Variants in FBXW10 observed in about 807,000 individuals in gnomAD.
FBXW10 encodes the protein F-box and WD repeat domain containing 10.
FBXW10 carries 68 observed loss-of-function variants against 113.1 expected under a neutral mutation model. The observed-to-expected ratio is 0.60, with a 90% CI of 0.49 to 0.74. The LOEUF (loss-of-function observed/expected upper bound fraction) is 0.74, where lower values mean the gene tolerates loss of function less well. FBXW10 is among the 30% of genes least tolerant of loss of function. FBXW10 has a pLI of 0.00. For synonymous variants in FBXW10, 289 were observed against 481.6 expected (o/e 0.60, Z 5.24); for missense variants, 753 against 1,284.5 (o/e 0.59, Z 6.32).
intron 8 of FBXW10, 73 bp downstream of exon 8, chr17:18,764,936 C>T: frequency 6.2e-7 from 1 of 1,612,736 alleles, no homozygotes; most frequent in Non-Finnish European, 8.5e-7. Flanking sequence ...CTTTGTTTTG[C>T]TCATTTCTAT....
At chr17:18,757,588 A>G (rs984541531) in intron 6 of FBXW10, among the ~76,000 whole-genome samples, 7 of 152,196 alleles carry the variant, frequency 4.6e-5, no homozygotes, top group African/African-American at 1.7e-4. Context: ...TGGAGGTTAC[A>G]GGGAGTTATT....
rs576180375 is a variant in FBXW10 at position 18,754,277 on chromosome 17, A to G, written c.1123-1768A>G. 1.7e-3 allele frequency among the ~76,000 whole-genome samples: 264 copies of G among 152,256 alleles called. 1 individual carries two copies. Among genetic ancestry groups the G allele is most frequent in the Non-Finnish European group, 2.8e-3 (189 of 68,026 alleles). ...AAACTTAGGAGATGAGCAAGGGCCAATGAATTCTCACCTGGGTTGGGAGAA... is the reference window on the plus strand; with the variant it reads ...AAACTTAGGAGATGAGCAAGGGCCAGTGAATTCTCACCTGGGTTGGGAGAA... On this transcript the variant is annotated intron_variant, in intron 5 of 13. Coordinates refer to ENST00000395665, the MANE Select transcript of FBXW10 (RefSeq NM_001267585.2).
intron 12 of FBXW10, 23 bp from the exon 13 acceptor site, chr17:18,775,113 C>T (rs750117309): frequency 6.4e-7 from 1 of 1,569,812 alleles, no homozygotes; most frequent in East Asian, 2.2e-5. Context: ...ATGACTACAG[C>T]TTCTTCCTCA....
Position 18,766,786 on chromosome 17 carries a change from A to G in FBXW10, c.1628A>G (p.Asn543Ser), listed in dbSNP as rs2035505535. 1 of 1,612,622 alleles carries G rather than the reference A, an allele frequency of 6.2e-7. No homozygotes were observed. Among genetic ancestry groups the G allele is most frequent in the Non-Finnish European group, 8.5e-7 (1 of 1,178,770 alleles). The change falls in exon 9 of 14, where the codon AAT becomes AGT. Residue 543 changes from asparagine to serine, a missense_variant. Transcript: ENST00000395665. The part of the protein sequence containing the change: ...HKDPILATRI[N>S]DTYIVSSCER... Reference sequence around the variant, plus strand: ...GACCCCATCTTGGCCACCAGGATCAATGATACCTACATTGTGAGCAGCTGT... The same window carrying G: ...GACCCCATCTTGGCCACCAGGATCAGTGATACCTACATTGTGAGCAGCTGT...
At chr17:18,762,558 A>G (rs9910784) in intron 7 of FBXW10, among the ~76,000 whole-genome samples, 136,231 of 150,980 alleles carry the variant, frequency 0.9, 61,703 homozygotes, top group African/African-American at 0.98. Flanking sequence ...TCCTGACCTC[A>G]TGATCTGCCC....
In FBXW10 at chr17:18,778,803, C is replaced by G; in HGVS notation, c.2664C>G (p.Ile888Met). Residue 888 changes from isoleucine to methionine, a missense_variant, in exon 14 of 14, where the codon ATC (isoleucine) becomes ATG (methionine). Physicochemically the swap from Ile to Met is conservative, Grantham distance 10. Coordinates refer to ENST00000395665, the MANE Select transcript of FBXW10 (RefSeq NM_001267585.2). ...DVKRTSIPLE[I>M]QKLQPNLKIS... ...AACGAACCAGTATTCCCCTTGAAAT[C>G]CAGAAACTGCAGCCCAACTTGAAGA... The G allele has an allele frequency of 1.2e-6, 2 of 1,613,898 alleles. No individual in the cohort carries two copies. The highest frequency in any genetic ancestry group is 8.5e-7 in the Non-Finnish European group (1 of 1,179,858).
At chr17:18,750,199 G>A in intron 4 of FBXW10, 62 bp downstream of exon 4, 3 of 1,490,950 alleles carry the variant, frequency 2.0e-6, no homozygotes, top group Non-Finnish European at 1.8e-6. Flanking sequence ...TGTTGAGGCT[G>A]ATATGACTGT....
At chr17:18,756,829 C>G (rs149007393) in intron 6 of FBXW10, among the ~76,000 whole-genome samples, 11,797 of 152,232 alleles carry the variant, frequency 0.077, 535 homozygotes, top group South Asian at 0.12. Context: ...GCAAAGTCCA[C>G]TTCTACTTTA....
At chr17:18,769,099 C>A (rs1385387197) in intron 10 of FBXW10, among the ~76,000 whole-genome samples, 3 of 151,762 alleles carry the variant, frequency 2.0e-5, no homozygotes, top group African/African-American at 7.3e-5. Context: ...CCACACCCAG[C>A]TAATTTTTTG....
rs778597832 is a variant in FBXW10 at position 18,750,093 on chromosome 17, T to C, written c.955T>C (p.Leu319=). Residue 319 remains leucine, a synonymous_variant, in exon 4 of 14, where the codon TTG becomes CTG. Transcript: ENST00000395665. Reference sequence around the variant, plus strand: ...CATGGCTCAACAGGTCAAGATGGACTTGTCAGCGCACGGCTTCATTCAGAA... The same window carrying C: ...CATGGCTCAACAGGTCAAGATGGACCTGTCAGCGCACGGCTTCATTCAGAA... ...AAMAQQVKMD[L]SAHGFIQNQI... 43 of 1,612,578 alleles carry C rather than the reference T, an allele frequency of 2.7e-5. No individual in the cohort carries two copies. The East Asian group carries it at 9.4e-4, about 35-fold the overall frequency.
At chr17:18,753,767 G>A (rs186098424) in intron 5 of FBXW10, among the ~76,000 whole-genome samples, 14 of 152,078 alleles carry the variant, frequency 9.2e-5, no homozygotes, top group African/African-American at 2.4e-4. Flanking sequence ...CCAGCTACCC[G>A]GGAGGCTGAG....
intron 13 of FBXW10, among the ~76,000 whole-genome samples, chr17:18,775,605 A>G (rs1196899022): frequency 2.0e-5 from 3 of 152,220 alleles, no homozygotes; most frequent in Non-Finnish European, 4.4e-5. Context: ...AAGAGAGAAG[A>G]GGCAGTTGAG....
intron 7 of FBXW10, among the ~76,000 whole-genome samples, chr17:18,764,197 ACT>A (rs1257970383): frequency 3.1e-5 from 4 of 127,902 alleles, no homozygotes; most frequent in African/African-American, 6.6e-5. Flanking sequence ...TGATGTAAAT[ACT>A]CTTTTTTTTT....
chr17:18,755,873 T>C (rs1043356566), intron 5 of FBXW10, among the ~76,000 whole-genome samples, 172 bp from the exon 6 acceptor site: 2 of 152,268 alleles, frequency 1.3e-5, no homozygotes, highest in East Asian at 1.9e-4. Context: ...TAACTCATGG[T>C]TTCCTTTGGT....
intron 6 of FBXW10, among the ~76,000 whole-genome samples, chr17:18,757,543 A>C (rs1254224820): frequency 1.3e-5 from 2 of 152,178 alleles, no homozygotes; most frequent in Non-Finnish European, 2.9e-5. Flanking sequence ...GAACTTTGGG[A>C]GGCTGAGGTA....
intron 8 of FBXW10, among the ~76,000 whole-genome samples, chr17:18,765,323 T>C (rs1324680426): frequency 6.6e-6 from 1 of 152,186 alleles, no homozygotes; most frequent in Non-Finnish European, 1.5e-5. Context: ...TGGGCCAAGA[T>C]ATATACATAA....
At chr17:18,775,267 T>C (rs1286577132) in intron 13 of FBXW10, 75 bp downstream of exon 13, 3 of 948,246 alleles carry the variant, frequency 3.2e-6, no homozygotes, top group Admixed American at 3.6e-5. Flanking sequence ...GGAAGCAAAA[T>C]CCACAGCAGG....
chr17:18,758,660 A>T (rs1458747294), intron 7 of FBXW10, among the ~76,000 whole-genome samples, 155 bp downstream of exon 7: 24 of 114,752 alleles, frequency 2.1e-4, no homozygotes, highest in Non-Finnish European at 4.0e-4. Flanking sequence ...GCAAGGAAAA[A>T]GTCAGGAATG....
At chr17:18,750,362 G>T (rs187855458) in intron 4 of FBXW10, among the ~76,000 whole-genome samples, 1 of 151,948 alleles carries the variant, frequency 6.6e-6, no homozygotes, top group Non-Finnish European at 1.5e-5. Flanking sequence ...GATAGAGACC[G>T]CTCAGGAGCA....
Sources: allele counts gnomAD v4.1 joint callset (sites outside exome capture counted in the v4.1 genomes callset), GRCh38; gene constraint gnomAD v4.1.1; transcripts MANE v1.5; gene names NCBI Gene and HGNC (gene_info 2026-07-23, HGNC 2026-07-21).